The following TSHZ3 variants were observed in gnomAD, a reference collection of about 807,000 sequenced individuals.
The protein encoded by TSHZ3 is teashirt homolog 3.
Under a neutral mutation model 64.5 loss-of-function variants are expected in TSHZ3, and 10 were observed. The ratio of observed to expected loss-of-function variants is 0.16; its 90% CI spans 0.10 to 0.26. TSHZ3 has a LOEUF of 0.26. Among genes scored for constraint, TSHZ3 ranks in the 10% least tolerant of loss-of-function variants. The pLI is 1.00. For synonymous variants in TSHZ3, 608 were observed against 593.1 expected (o/e 1.03, Z -0.36); for missense variants, 1,242 against 1,421.7 (o/e 0.87, Z 2.03).
At chr19:31,171,127 A>C (rs1974529053) in intron 5 of TSHZ3, among the ~76,000 whole-genome samples, 1 of 152,066 alleles carries the variant, frequency 6.6e-6, no homozygotes, top group African/African-American at 2.4e-5. Flanking sequence ...TGGTAGAAAA[A>C]ATGAGGTGGT....
chr19:31,257,456 C>T (rs918963321), intron 1 of TSHZ3, among the ~76,000 whole-genome samples: 5 of 152,240 alleles, frequency 3.3e-5, no homozygotes, highest in Non-Finnish European at 7.3e-5. Context: ...GGGGCAAAAG[C>T]AGCAGATGCC....
At chr19:31,254,965 G>T (rs1448135662) in intron 1 of TSHZ3, among the ~76,000 whole-genome samples, 2 of 152,136 alleles carry the variant, frequency 1.3e-5, no homozygotes, top group South Asian at 4.1e-4. Context: ...GCCTCAGCAG[G>T]AGTGGGGAAG....
In TSHZ3 at chr19:31,192,754, T is replaced by C. The variant is rs574363579; in HGVS notation, n.809+12202A>G. Among the ~76,000 whole-genome samples, 214 of 152,366 alleles carry C rather than the reference T, an allele frequency of 1.4e-3. 2 individuals carry two copies. The highest frequency in any genetic ancestry group is 2.9e-3 in the Non-Finnish European group (194 of 68,030). On this transcript the variant is annotated intron_variant and non_coding_transcript_variant, in intron 5 of 6. Transcript: ENST00000651361. ...CTCATTAGATGCCAAGCAACTCTTA[T>C]GTTGACGCAAACAACACTGCAGAGG...
downstream of TSHZ3, among the ~76,000 whole-genome samples, chr19:31,273,331 C>T (rs1036902659): frequency 2.0e-5 from 3 of 152,160 alleles, no homozygotes; most frequent in East Asian, 1.9e-4. Context: ...TGGCTAAACG[C>T]CCAAGGTGTC....
At chr19:31,271,645 C>T (rs1189291422), downstream of TSHZ3, among the ~76,000 whole-genome samples, 1 of 152,164 alleles carries the variant, frequency 6.6e-6, no homozygotes, top group African/African-American at 2.4e-5. Flanking sequence ...GAGGTCCAAG[C>T]CTGAGCACCT....
chr19:31,321,145 AT>A (rs35480901), intron 1 of TSHZ3, among the ~76,000 whole-genome samples: 2 of 152,120 alleles, frequency 1.3e-5, no homozygotes, highest in East Asian at 1.9e-4. Flanking sequence ...GTGCTTTATA[AT>A]TTTTTTTCCA....
chr19:31,227,932 C>T (rs1272925473), intron 4 of TSHZ3, among the ~76,000 whole-genome samples: 2 of 152,162 alleles, frequency 1.3e-5, no homozygotes, highest in Non-Finnish European at 2.9e-5. Flanking sequence ...TTATGACCAA[C>T]ATATGTGTAA....
At chr19:31,237,679 G>T (rs1006260579) in intron 3 of TSHZ3, among the ~76,000 whole-genome samples, 2 of 152,018 alleles carry the variant, frequency 1.3e-5, no homozygotes, top group Middle Eastern at 3.2e-3. Context: ...CTATAAAATA[G>T]AAACATCAAT....
At chr19:31,235,585 T>TCTTTTTTC (rs1555728669) in intron 3 of TSHZ3, among the ~76,000 whole-genome samples, 1 of 139,872 alleles carries the variant, frequency 7.1e-6, no homozygotes, top group African/African-American at 2.9e-5. Context: ...TCCTTCTCTT[T>TCTTTTTTC]TTTCTTTCTT....
At chr19:31,202,692 T>C (rs1346961909) in intron 5 of TSHZ3, among the ~76,000 whole-genome samples, 2 of 152,216 alleles carry the variant, frequency 1.3e-5, no homozygotes, top group Non-Finnish European at 2.9e-5. Flanking sequence ...GCCCTTAATA[T>C]ATGTTGCCAA....
At chr19:31,243,228 C>A (rs920245360) in intron 1 of TSHZ3, among the ~76,000 whole-genome samples, 1 of 152,196 alleles carries the variant, frequency 6.6e-6, no homozygotes, top group African/African-American at 2.4e-5. Context: ...TCATACCTGT[C>A]ATTGATGGAT....
intron 4 of TSHZ3, among the ~76,000 whole-genome samples, chr19:31,208,375 GA>G (rs1297922276): frequency 6.6e-6 from 1 of 152,142 alleles, no homozygotes; most frequent in Non-Finnish European, 1.5e-5. Flanking sequence ...AGGCTCCCAA[GA>G]AAGAGAGTCC....
At chr19:31,158,518 G>C (rs1974333679) in intron 5 of TSHZ3, among the ~76,000 whole-genome samples, 1 of 152,112 alleles carries the variant, frequency 6.6e-6, no homozygotes, top group East Asian at 1.9e-4. Flanking sequence ...CTAGAATGGT[G>C]GTCCCCAGCC....
At chr19:31,214,658 C>T (rs1237637110) in intron 4 of TSHZ3, among the ~76,000 whole-genome samples, 1 of 152,178 alleles carries the variant, frequency 6.6e-6, no homozygotes, top group African/African-American at 2.4e-5. Context: ...CCTGTAATCC[C>T]AGCACTTTGG....
chr19:31,327,019 G>C (rs1259329230), intron 1 of TSHZ3, among the ~76,000 whole-genome samples: 4 of 152,034 alleles, frequency 2.6e-5, no homozygotes, highest in Non-Finnish European at 4.4e-5. Flanking sequence ...CCAGAATGTA[G>C]ACTCTCCTTC....
rs140249529 is a variant in TSHZ3 at position 31,172,742 on chromosome 19, C to A, written n.810-16325G>T. ...CTGAAGCAAGCTAAGCAGTTGGCAG[C>A]GGCAATGTAAATAGGATGAACAAGA... On this transcript the variant is annotated intron_variant and non_coding_transcript_variant, in intron 5 of 6. Coordinates refer to the TSHZ3 transcript ENST00000651361. Among the ~76,000 whole-genome samples the A allele has an allele frequency of 2.2e-3, 340 of 152,228 alleles. 1 individual carries two copies. The highest frequency in any genetic ancestry group is 7.8e-3 in the African/African-American group (325 of 41,538).
intron 5 of TSHZ3, among the ~76,000 whole-genome samples, chr19:31,184,939 T>G (rs376245735): frequency 6.6e-6 from 1 of 152,320 alleles, no homozygotes; most frequent in African/African-American, 2.4e-5. Flanking sequence ...CCTCTTTATT[T>G]TTCCCCCCAA....
intron 1 of TSHZ3, among the ~76,000 whole-genome samples, chr19:31,281,180 C>A (rs1976355686): frequency 6.6e-6 from 1 of 152,126 alleles, no homozygotes; most frequent in Admixed American, 6.6e-5. Context: ...ATTGACTCCA[C>A]CAGCTTTAAA....
rs978789315 is a variant in TSHZ3, at chr19:31,222,821, A to C, written n.686+5184T>G. ...TCCTTCTCCATTTCTATTTTGCCAT[A>C]TAAACATGACAGAGAGTGATTCAGT... On this transcript the variant is annotated intron_variant and non_coding_transcript_variant, in intron 4 of 6. Transcript: ENST00000651361. Among the ~76,000 whole-genome samples, 94 of 152,334 alleles carry C rather than the reference A, an allele frequency of 6.2e-4. 2 individuals carry two copies. In the East Asian group the frequency reaches 0.017, roughly 28 times the overall value.
Sources: gnomAD v4.1 joint callset for allele counts (sites outside exome capture counted in the v4.1 genomes callset) on GRCh38, gnomAD v4.1.1 for gene constraint, MANE v1.5 for transcripts, NCBI Gene and HGNC (gene_info 2026-07-23, HGNC 2026-07-21) for gene names.